The following IQSEC1 variants were observed in gnomAD, a reference collection of about 807,000 sequenced individuals.
IQSEC1 encodes IQ motif and SEC7 domain-containing protein 1.
In IQSEC1, 31 loss-of-function variants were observed where a neutral mutation model predicts 91.0. The ratio of observed to expected loss-of-function variants is 0.34; its 90% CI spans 0.26 to 0.46. IQSEC1 has a LOEUF of 0.46. IQSEC1 is among the 20% of genes least tolerant of loss of function. The probability of loss-of-function intolerance (pLI) is 1.00; values close to 1 mark genes in which losing one functional copy is unlikely to be tolerated. For missense variants in IQSEC1, 1,388 were observed against 1,575.6 expected (o/e 0.88, Z 2.02); for synonymous variants, 699 against 662.6 (o/e 1.05, Z -0.84).
chr3:13,085,420 A>T (rs1185035326), intron 2 of IQSEC1, among the ~76,000 whole-genome samples: 2 of 152,166 alleles, frequency 1.3e-5, no homozygotes, highest in African/African-American at 4.8e-5. Context: ...CATGGCAGAC[A>T]GGAACCCTTC....
intron 1 of IQSEC1, among the ~76,000 whole-genome samples, chr3:13,202,834 T>C (rs1694268450): frequency 6.6e-6 from 1 of 152,234 alleles, no homozygotes; most frequent in East Asian, 1.9e-4. Flanking sequence ...GGACCCCTAC[T>C]GTGAGGGCTG....
chr3:13,007,353 A>G (rs1702681462), intron 1 of IQSEC1, among the ~76,000 whole-genome samples: 1 of 152,162 alleles, frequency 6.6e-6, no homozygotes, highest in Non-Finnish European at 1.5e-5. Context: ...CATCCAGAGA[A>G]CTGAGTAGTG....
intron 3 of IQSEC1, among the ~76,000 whole-genome samples, chr3:12,933,409 A>G (rs1697880014): frequency 2.0e-5 from 3 of 152,238 alleles, no homozygotes; most frequent in South Asian, 4.1e-4. Flanking sequence ...CTGTGTGTAG[A>G]GCCCAGCGAT....
intron 1 of IQSEC1, among the ~76,000 whole-genome samples, chr3:12,955,598 C>T (rs1699851873): frequency 6.6e-6 from 1 of 152,218 alleles, no homozygotes; most frequent in African/African-American, 2.4e-5. Flanking sequence ...TGCTGGGGAC[C>T]AGAGCACCAA....
intron 3 of IQSEC1, among the ~76,000 whole-genome samples, chr3:12,930,521 G>C (rs1346682225): frequency 2.0e-5 from 3 of 152,188 alleles, no homozygotes; most frequent in African/African-American, 7.2e-5. Context: ...AGAGCCAGAA[G>C]GAGCCGATGA....
intron 2 of IQSEC1, among the ~76,000 whole-genome samples, chr3:13,154,267 C>G (rs1707045251): frequency 6.7e-6 from 1 of 150,040 alleles, no homozygotes; most frequent in South Asian, 2.1e-4. Context: ...ACCGCATGTT[C>G]AAGGCTGTGC....
rs561314162 is a variant in IQSEC1 at position 12,912,670 on chromosome 3, CAAAAAAAAAAA to C, written c.2316+747_2316+757del. Among the ~76,000 whole-genome samples the C allele has an allele frequency of 1.1e-4, 6 of 54,028 alleles. No homozygotes were observed. The South Asian group carries it at 1.9e-3, about 17-fold the overall frequency. 35.4% of individuals were successfully genotyped at this position (54,028 alleles called of 152,430 possible). On this transcript the variant is annotated intron_variant, in intron 9 of 13. Coordinates refer to ENST00000613206, the MANE Select transcript of IQSEC1 (RefSeq NM_001134382.3). The stretch of plus-strand genomic sequence containing the variant: ...TGGGCGACAGAGCGAGACTCCGTCT[CAAAAAAAAAAA>C]AAAAAAAAAAAAAAAGAACATGGGC...
chr3:13,228,807 CTG>C (rs1468445379), intron 1 of IQSEC1, among the ~76,000 whole-genome samples: 3 of 152,220 alleles, frequency 2.0e-5, no homozygotes, highest in African/African-American at 7.2e-5. Flanking sequence ...GCTGGAAACA[CTG>C]TTCCCAGGCT....
chr3:13,160,370 A>G (rs1430037517), intron 2 of IQSEC1, among the ~76,000 whole-genome samples: 2 of 152,170 alleles, frequency 1.3e-5, no homozygotes, highest in African/African-American at 4.8e-5. Context: ...TATGTTGCCC[A>G]GGCTAGTCTT....
At chr3:13,102,099 G>A (rs372703814) in intron 2 of IQSEC1, among the ~76,000 whole-genome samples, 32 of 151,824 alleles carry the variant, frequency 2.1e-4, no homozygotes, top group African/African-American at 7.2e-4. Flanking sequence ...GCAATGTGGC[G>A]AGACCCTGTC....
chr3:13,246,771 C>T (rs919370436), intron 1 of IQSEC1, among the ~76,000 whole-genome samples: 5 of 152,222 alleles, frequency 3.3e-5, no homozygotes, highest in African/African-American at 1.2e-4. Flanking sequence ...GATGTCCTAT[C>T]CTCGCAGAAT....
chr3:12,919,126 T>C (rs909369754), intron 6 of IQSEC1, among the ~76,000 whole-genome samples: 13 of 152,224 alleles, frequency 8.5e-5, no homozygotes, highest in Non-Finnish European at 1.3e-4. Flanking sequence ...TCCTGGCTGC[T>C]GCTTGGACAC....
chr3:13,256,552 G>A (rs981516323), intron 1 of IQSEC1, among the ~76,000 whole-genome samples: 10 of 152,134 alleles, frequency 6.6e-5, no homozygotes, highest in African/African-American at 2.2e-4. Flanking sequence ...TTGCCCAGGG[G>A]AACTGGGGTT....
At chr3:13,022,246 C>T in intron 1 of IQSEC1, 1 of 1,226,024 alleles carries the variant, frequency 8.2e-7, no homozygotes, top group Non-Finnish European at 1.0e-6. Context: ...AGAAAAGCCC[C>T]CAAAGTTAGG....
rs904736488 is a variant in IQSEC1, at chr3:12,979,047, G to A, written c.24-37182C>T. Among the ~76,000 whole-genome samples, 5 of 152,216 alleles carry A rather than the reference G, an allele frequency of 3.3e-5. No individual in the cohort carries two copies. Among genetic ancestry groups the A allele is most frequent in the Admixed American group, 2.6e-4 (4 of 15,278 alleles). ...CTGTGGGGCATGAGGCCAGTGGACC[G>A]AGCAGGAGCTTCATCCTGTGAGGGT... On this transcript the variant is annotated intron_variant, in intron 1 of 13. Coordinates refer to ENST00000613206, the MANE Select transcript of IQSEC1 (RefSeq NM_001134382.3). The surrounding 1 kb of genome is among the most constrained non-coding windows in gnomAD (Gnocchi z 4.3).
rs544295391 is a variant in IQSEC1, at chr3:12,898,239, C to T, written c.*2744G>A. The T allele has an allele frequency of 9.8e-5, 15 of 152,390 alleles. No individual in the cohort carries two copies. The East Asian group carries it at 2.3e-3, about 23-fold the overall frequency. The allele number at this position is 152,390 out of a possible 1,614,324, so 9.4% of individuals were successfully genotyped here. ...TCCCATGAAAGACACACGGGGACAC[C>T]AGCTCACTGGGAGCTTTTGCTTTCC... On this transcript the variant is annotated 3_prime_UTR_variant, in exon 14 of 14. Coordinates refer to ENST00000613206, the MANE Select transcript of IQSEC1 (RefSeq NM_001134382.3).
At chr3:13,172,174 C>A (rs1367766549) in intron 1 of IQSEC1, among the ~76,000 whole-genome samples, 1 of 152,216 alleles carries the variant, frequency 6.6e-6, no homozygotes, top group Non-Finnish European at 1.5e-5. Flanking sequence ...GTGACACTTT[C>A]TTCTTCCCTC....
chr3:13,056,594 C>T (rs1704890907), intron 1 of IQSEC1, among the ~76,000 whole-genome samples: 1 of 152,128 alleles, frequency 6.6e-6, no homozygotes, highest in Non-Finnish European at 1.5e-5. Context: ...ATCCACTCAG[C>T]TCCTGACCTG....
rs1705621472 is a variant in IQSEC1 at position 13,079,805 on chromosome 3, TAC to T, written c.303-32285_303-32284del. ...TGCAAGTACCTTGTAATAGTCACAATACTGAGCGAACATGATCACAGTTATAA... is the reference window on the plus strand; with the variant it reads ...TGCAAGTACCTTGTAATAGTCACAATTGAGCGAACATGATCACAGTTATAA... On this transcript the variant is annotated intron_variant, in intron 2 of 15. Coordinates refer to the IQSEC1 transcript ENST00000648114. Among the ~76,000 whole-genome samples the T allele has an allele frequency of 3.9e-5, 6 of 152,210 alleles. No homozygotes were observed. In the South Asian group the frequency reaches 1.2e-3, roughly 32 times the overall value.
Sources: allele counts gnomAD v4.1 joint callset (sites outside exome capture counted in the v4.1 genomes callset), GRCh38; gene constraint gnomAD v4.1.1; non-coding constraint Gnocchi (gnomAD v3.1); transcripts MANE v1.5; gene names NCBI Gene and HGNC (gene_info 2026-07-23, HGNC 2026-07-21).